Variants in PSMA1 observed in about 807,000 individuals in gnomAD.
The protein encoded by PSMA1 is proteasome 20S subunit alpha 1.
In PSMA1, 3 loss-of-function variants were observed where a neutral mutation model predicts 38.4. The observed-to-expected ratio is 0.08, with a 90% CI of 0.04 to 0.20. The LOEUF is 0.20. Among genes scored for constraint, PSMA1 ranks in the 10% least tolerant of loss-of-function variants. The pLI is 1.00. For synonymous variants in PSMA1, 101 were observed against 107.1 expected (o/e 0.94, Z 0.35); for missense variants, 227 against 325.3 (o/e 0.70, Z 2.32).
rs750720335 is a variant in PSMA1, at chr11:14,520,308, C to A, written c.-9G>T. 6.2e-7 allele frequency: 1 copy of A among 1,614,082 alleles called. No homozygotes were observed. The highest frequency in any genetic ancestry group is 8.5e-7 in the Non-Finnish European group (1 of 1,180,008). On this transcript the variant is annotated 5_prime_UTR_variant, in exon 1 of 10. Transcript: ENST00000396394. ...GGGATTCAACGTACCATGGTGGCGG[C>A]GCGGGCCTGGTTGCGGCCTCCAGCA...
intron 2 of PSMA1, among the ~76,000 whole-genome samples, chr11:14,565,445 T>C (rs1852059311): frequency 6.6e-6 from 1 of 152,212 alleles, no homozygotes; most frequent in South Asian, 2.1e-4. Context: ...TTATTCGCTT[T>C]TTCTAGGTTC....
At chr11:14,630,232 T>G (rs1488843478) in intron 1 of PSMA1, among the ~76,000 whole-genome samples, 2 of 152,210 alleles carry the variant, frequency 1.3e-5, no homozygotes, top group African/African-American at 4.8e-5. Flanking sequence ...AGGGCATCCC[T>G]GTCTTATGCC....
chr11:14,513,467 C>T, intron 7 of PSMA1, 103 bp downstream of exon 7: 1 of 1,177,696 alleles, frequency 8.5e-7, no homozygotes, highest in Non-Finnish European at 1.1e-6. Context: ...AAAATTCTTT[C>T]TATAAGACTT....
intron 2 of PSMA1, 95 bp from the exon 3 acceptor site, chr11:14,518,076 T>C: frequency 1.2e-6 from 1 of 864,624 alleles, no homozygotes; most frequent in Non-Finnish European, 1.7e-6. Context: ...CAGTTAAATC[T>C]CAACTGATTT....
At chr11:14,509,549 C>T (rs1418929346) in intron 8 of PSMA1, among the ~76,000 whole-genome samples, 2 of 149,566 alleles carry the variant, frequency 1.3e-5, no homozygotes, top group African/African-American at 2.5e-5. Flanking sequence ...GGAGTGCATG[C>T]ACCGCCACGC....
Position 14,516,223 on chromosome 11 carries a change from AG to A in PSMA1, c.254+1418del, listed in dbSNP as rs1340333412. 2.1e-5 allele frequency among the ~76,000 whole-genome samples: 3 copies of A among 146,206 alleles called. No individual in the cohort carries two copies. In the East Asian group the frequency reaches 6.1e-4, roughly 30 times the overall value. On this transcript the variant is annotated intron_variant, in intron 4 of 9. Transcript: ENST00000396394. ...AGACTCCGTCTCAAAAAAAAAAAAA[AG>A]AATAGGGTCTCACTCTGTTGCCTAC...
In PSMA1 at chr11:14,505,071, TC is replaced by T. The variant is rs1279589936; in HGVS notation, c.*120del. On this transcript the variant is annotated 3_prime_UTR_variant, in exon 10 of 10. Transcript: ENST00000396394. ...GGAAAAAACTCACATCTGGACTGAT[TC>T]CTAAAACATAGCATTCCACCACTCT... 4 of 899,038 alleles carry T rather than the reference TC, an allele frequency of 4.4e-6. No individual in the cohort carries two copies. The African/African-American group carries it at 4.9e-5, about 11-fold the overall frequency. 55.7% of individuals were successfully genotyped at this position (899,038 alleles called of 1,614,324 possible).
At chr11:14,640,745 G>T (rs1202306326) in intron 1 of PSMA1, among the ~76,000 whole-genome samples, 1 of 152,144 alleles carries the variant, frequency 6.6e-6, no homozygotes, top group Non-Finnish European at 1.5e-5. Flanking sequence ...ATATAAGGTC[G>T]TAAATGTTAA....
At chr11:14,596,285 T>C (rs1018848358) in intron 2 of PSMA1, among the ~76,000 whole-genome samples, 3 of 152,238 alleles carry the variant, frequency 2.0e-5, no homozygotes, top group African/African-American at 7.2e-5. Flanking sequence ...GTGAAGAACG[T>C]CATTGGTAGC....
intron 1 of PSMA1, among the ~76,000 whole-genome samples, chr11:14,629,534 T>C (rs923844423): frequency 3.9e-5 from 6 of 151,956 alleles, no homozygotes; most frequent in African/African-American, 1.4e-4. Context: ...TATATCTCTG[T>C]TTTGGTACCA....
At chr11:14,599,426 T>G (rs999228959) in intron 2 of PSMA1, among the ~76,000 whole-genome samples, 1 of 152,326 alleles carries the variant, frequency 6.6e-6, no homozygotes, top group African/African-American at 2.4e-5. Context: ...TCTTGGAGGC[T>G]TTGTTCATTT....
In PSMA1 at chr11:14,511,384, AAAAAC is replaced by A. The variant is rs140977899; in HGVS notation, c.545-438_545-434del. ...AAAACTACAGACCCAATATAGATGCAAAAACAAAACAAAACAAAACAAAACCCTCA... is the reference window on the plus strand; with the variant it reads ...AAAACTACAGACCCAATATAGATGCAAAAACAAAACAAAACAAAACCCTCA... On this transcript the variant is annotated intron_variant, in intron 7 of 9. Coordinates refer to ENST00000396394, the MANE Select transcript of PSMA1 (RefSeq NM_002786.4). Among the ~76,000 whole-genome samples, 27 of 152,298 alleles carry A rather than the reference AAAAAC, an allele frequency of 1.8e-4. No individual in the cohort carries two copies. The Middle Eastern group carries it at 0.014, about 77-fold the overall frequency.
intron 1 of PSMA1, among the ~76,000 whole-genome samples, chr11:14,616,516 AC>A (rs1852775878): frequency 6.6e-6 from 1 of 152,124 alleles, no homozygotes; most frequent in Non-Finnish European, 1.5e-5. Flanking sequence ...ACAGGTGTGA[AC>A]CACTGTGCCC....
intron 2 of PSMA1, among the ~76,000 whole-genome samples, chr11:14,575,977 T>C (rs1057298956): frequency 4.6e-5 from 7 of 152,222 alleles, no homozygotes; most frequent in Non-Finnish European, 8.8e-5. Context: ...TGGTATCTCA[T>C]TGTGGTTTTG....
intron 2 of PSMA1, among the ~76,000 whole-genome samples, chr11:14,546,954 A>C (rs1851834280): frequency 1.3e-5 from 2 of 152,244 alleles, no homozygotes; most frequent in South Asian, 4.1e-4. Flanking sequence ...ATAAAGCTTT[A>C]AATAGACAGG....
chr11:14,516,754 C>T (rs1220691658), intron 4 of PSMA1, among the ~76,000 whole-genome samples: 1 of 152,042 alleles, frequency 6.6e-6, no homozygotes, highest in African/African-American at 2.4e-5. Context: ...GGCGAAACCC[C>T]GTCTCTACTA....
chr11:14,512,481 A>G (rs573534640), intron 7 of PSMA1, among the ~76,000 whole-genome samples: 2 of 152,190 alleles, frequency 1.3e-5, no homozygotes, highest in East Asian at 1.9e-4. Context: ...AAAATTATCT[A>G]TAGATTTATT....
chr11:14,507,865 T>C (rs1051388437), intron 8 of PSMA1, 99 bp from the exon 9 acceptor site: 6 of 814,386 alleles, frequency 7.4e-6, no homozygotes, highest in African/African-American at 6.9e-5. Context: ...AGAATTTATA[T>C]AGCATTTGAA....
chr11:14,593,116 T>G (rs1852442831), intron 2 of PSMA1, among the ~76,000 whole-genome samples: 1 of 152,194 alleles, frequency 6.6e-6, no homozygotes, highest in African/African-American at 2.4e-5. Context: ...TCTCACCCAC[T>G]TCTCATAGCA....
Sources: gnomAD v4.1 joint callset for allele counts (sites outside exome capture counted in the v4.1 genomes callset) on GRCh38, gnomAD v4.1.1 for gene constraint, MANE v1.5 for transcripts, NCBI Gene and HGNC (gene_info 2026-07-23, HGNC 2026-07-21) for gene names.